CTNNA3: variants seen among roughly 807,000 people sequenced by gnomAD.
CTNNA3 encodes catenin alpha-3.
In CTNNA3, 76 loss-of-function variants were observed where a neutral mutation model predicts 95.7. The ratio of observed to expected loss-of-function variants is 0.79; its 90% CI spans 0.66 to 0.96. The LOEUF (loss-of-function observed/expected upper bound fraction) is 0.96. Ranked by LOEUF, CTNNA3 falls within the 40% of genes least tolerant of loss-of-function variation. CTNNA3 has a pLI of 0.00. For missense variants in CTNNA3, 1,191 were observed against 1,089.8 expected (o/e 1.09, Z -1.31); for synonymous variants, 431 against 374.4 (o/e 1.15, Z -1.74).
chr10:65,968,567 A>G (rs905052910), intron 16 of CTNNA3, among the ~76,000 whole-genome samples: 21 of 152,006 alleles, frequency 1.4e-4, no homozygotes, highest in Admixed American at 2.6e-4. Flanking sequence ...CTTTCTGTGC[A>G]TAGATTGTGG....
chr10:67,683,908 G>A (rs137890946), intron 1 of CTNNA3, among the ~76,000 whole-genome samples: 193 of 151,324 alleles, frequency 1.3e-3, no homozygotes, highest in Non-Finnish European at 2.2e-3. Flanking sequence ...TCACGGTCTC[G>A]CTCACGTCAG....
chr10:67,080,116 G>A (rs1031149077), intron 7 of CTNNA3, among the ~76,000 whole-genome samples: 4 of 152,294 alleles, frequency 2.6e-5, no homozygotes, highest in Admixed American at 2.6e-4. Flanking sequence ...ACCAGAAGGG[G>A]TGACAGCCCC....
rs1589806850 is a variant in CTNNA3, at chr10:67,159,325, A to C, written c.1047+20992T>G. Among the ~76,000 whole-genome samples the C allele has an allele frequency of 2.0e-5, 3 of 152,304 alleles. No homozygotes were observed. The East Asian group carries it at 5.8e-4, about 29-fold the overall frequency. On this transcript the variant is annotated intron_variant, in intron 7 of 17. Transcript: ENST00000433211. ...AAGGCAGTAGCTTGCCGATGCTCCC[A>C]GCTGAATAAAGCCCTTCCTTCTATA...
At chr10:67,698,776 C>A (rs1437259474), upstream of CTNNA3, among the ~76,000 whole-genome samples, 1 of 152,082 alleles carries the variant, frequency 6.6e-6, no homozygotes, top group Admixed American at 6.5e-5. Flanking sequence ...ATACTTCTGG[C>A]ACCTTGTCAG....
chr10:66,655,581 G>T (rs1489182221), intron 9 of CTNNA3, among the ~76,000 whole-genome samples: 1 of 152,042 alleles, frequency 6.6e-6, no homozygotes, highest in African/African-American at 2.4e-5. Context: ...AACATGGAAT[G>T]AATGCAGTAT....
At chr10:66,502,826 C>G (rs536167985) in intron 11 of CTNNA3, among the ~76,000 whole-genome samples, 1 of 152,164 alleles carries the variant, frequency 6.6e-6, no homozygotes, top group South Asian at 2.1e-4. Flanking sequence ...GGCAACATAA[C>G]CCAGGTGCCA....
chr10:65,997,717 G>C (rs2078692679), intron 15 of CTNNA3, among the ~76,000 whole-genome samples: 1 of 151,204 alleles, frequency 6.6e-6, no homozygotes, highest in Admixed American at 6.6e-5. Context: ...TTTACTTGCT[G>C]TTAAGTAAAA....
intron 1 of CTNNA3, chr10:67,751,186 T>C: frequency 7.9e-7 from 1 of 1,273,656 alleles, no homozygotes. Flanking sequence ...CGTAACATGT[T>C]GCAATCCTCT....
At chr10:66,830,234 T>C (rs1323645631) in intron 7 of CTNNA3, among the ~76,000 whole-genome samples, 1 of 152,220 alleles carries the variant, frequency 6.6e-6, no homozygotes, top group Non-Finnish European at 1.5e-5. Context: ...ATTAATACTT[T>C]TGTAGTTTCT....
chr10:66,928,348 G>A, intron 7 of CTNNA3: 1 of 1,614,138 alleles, frequency 6.2e-7, no homozygotes, highest in Non-Finnish European at 8.5e-7. Flanking sequence ...CAGCACCCAG[G>A]AATTTTATGT....
intron 1 of CTNNA3, among the ~76,000 whole-genome samples, chr10:67,688,219 C>T (rs961697626): frequency 6.6e-6 from 1 of 152,118 alleles, no homozygotes; most frequent in African/African-American, 2.4e-5. Flanking sequence ...GGGACATGTA[C>T]CCGGGTTGGG....
rs151147932 is a variant in CTNNA3, at chr10:66,260,279, T to A, written c.1884+20191A>T. Among the ~76,000 whole-genome samples the A allele has an allele frequency of 9.5e-4, 145 of 152,222 alleles. 1 individual carries two copies. The highest frequency in any genetic ancestry group is 3.3e-3 in the African/African-American group (139 of 41,550). ...CTCATTCAAATTCCATGGAGAAATATCTTAAAGTTAATCATCTCTGCCCTC... is the reference window on the plus strand; with the variant it reads ...CTCATTCAAATTCCATGGAGAAATAACTTAAAGTTAATCATCTCTGCCCTC... On this transcript the variant is annotated intron_variant, in intron 13 of 17. Transcript: ENST00000433211.
At chr10:67,671,240 T>C (rs7896711) in intron 1 of CTNNA3, among the ~76,000 whole-genome samples, 13,246 of 152,138 alleles carry the variant, frequency 0.087, 1,337 homozygotes, top group African/African-American at 0.25. Context: ...AACCTGACTG[T>C]GGTAAGGTGC....
At chr10:66,523,353 T>C (rs1157868011) in intron 10 of CTNNA3, among the ~76,000 whole-genome samples, 5 of 152,202 alleles carry the variant, frequency 3.3e-5, no homozygotes, top group African/African-American at 1.2e-4. Context: ...GTTCTGCTGC[T>C]GATCCAATTT....
chr10:67,635,709 C>G (rs937499001), intron 2 of CTNNA3, among the ~76,000 whole-genome samples: 1 of 152,114 alleles, frequency 6.6e-6, no homozygotes, highest in African/African-American at 2.4e-5. Flanking sequence ...CAGCCAATAT[C>G]ATACTAAATG....
chr10:66,240,258 A>G (rs12415440), intron 13 of CTNNA3, among the ~76,000 whole-genome samples: 11,815 of 152,096 alleles, frequency 0.078, 591 homozygotes, highest in Admixed American at 0.13. Context: ...TAACATTTCA[A>G]ATGAAGAACC....
Position 66,469,547 on chromosome 10 carries a change from T to A in CTNNA3, c.1531+51070A>T, listed in dbSNP as rs543180943. On this transcript the variant is annotated intron_variant, in intron 11 of 17. Transcript: ENST00000433211. The stretch of plus-strand genomic sequence containing the variant: ...TTTATCGTTAAAAAATAGTGAGATA[T>A]CTACTTATATTAAGCAGAGGGTGCA... Among the ~76,000 whole-genome samples, 11 of 151,970 alleles carry A rather than the reference T, an allele frequency of 7.2e-5. No individual in the cohort carries two copies. The East Asian group carries it at 2.1e-3, about 29-fold the overall frequency.
At chr10:67,648,807 A>T (rs1839795543) in intron 1 of CTNNA3, 1 of 1,288,664 alleles carries the variant, frequency 7.8e-7, no homozygotes, top group African/African-American at 1.5e-5. Context: ...CTCTTTTCTC[A>T]GCGATTCAGC....
intron 5 of CTNNA3, among the ~76,000 whole-genome samples, chr10:67,330,248 T>C (rs764329537): frequency 2.0e-5 from 3 of 152,174 alleles, no homozygotes; most frequent in Non-Finnish European, 4.4e-5. Context: ...CTCTCCTGCA[T>C]GTTTCCCAAA....
Sources: gnomAD v4.1 joint callset for allele counts (sites outside exome capture counted in the v4.1 genomes callset) on GRCh38, gnomAD v4.1.1 for gene constraint, MANE v1.5 for transcripts, NCBI Gene and HGNC (gene_info 2026-07-23, HGNC 2026-07-21) for gene names.